The following GPR161 variants were observed in gnomAD, a reference collection of about 807,000 sequenced individuals.
GPR161 encodes G protein-coupled receptor 161, also known as G-protein coupled receptor RE2.
In GPR161, 25 loss-of-function variants were observed where a neutral mutation model predicts 39.2. The observed-to-expected ratio is 0.64, with a 90% CI of 0.47 to 0.89. GPR161 has a LOEUF of 0.89. Among genes scored for constraint, GPR161 ranks in the 40% least tolerant of loss-of-function variants. GPR161 has a pLI of 0.00. For synonymous variants in GPR161, 286 were observed against 276.6 expected (o/e 1.03, Z -0.34); for missense variants, 547 against 677.8 (o/e 0.81, Z 2.14).
rs149895096 is a variant in GPR161 at position 168,090,571 on chromosome 1, C to T, written c.1197G>A (p.Gln399=). The part of the protein sequence containing the change: ...STGDTGFSCS[Q]DSGTDMMLLE... ...ATAAAGCACGCAGGTTACCTGAGTC[C>T]TGGGAGCAGCTGAAGCCAGTGTCCC... Residue 399 remains glutamine, a synonymous_variant, in exon 4 of 6, where the codon CAG becomes CAA. Coordinates refer to ENST00000682931, the MANE Select transcript of GPR161 (RefSeq NM_001375883.1). The T allele has an allele frequency of 8.8e-6, 14 of 1,594,070 alleles. No individual in the cohort carries two copies. Among genetic ancestry groups the T allele is most frequent in the African/African-American group, 2.7e-5 (2 of 74,456 alleles).
At chr1:168,128,244 C>T (rs1180114024) in intron 1 of GPR161, among the ~76,000 whole-genome samples, 1 of 152,086 alleles carries the variant, frequency 6.6e-6, no homozygotes, top group East Asian at 1.9e-4. Context: ...AATATCCAAG[C>T]AGTAGACACT....
At chr1:168,103,641 C>A (rs1428371353) in intron 2 of GPR161, among the ~76,000 whole-genome samples, 2 of 152,146 alleles carry the variant, frequency 1.3e-5, no homozygotes, top group South Asian at 2.1e-4. Context: ...TGACAATATC[C>A]CTGGCTAGCC....
At chr1:168,123,581 T>TACACACACACACACAC (rs1558135120) in intron 1 of GPR161, among the ~76,000 whole-genome samples, 2 of 119,936 alleles carry the variant, frequency 1.7e-5, no homozygotes, top group African/African-American at 6.7e-5. Flanking sequence ...CACACACACT[T>TACACACACACACACAC]GTTTGCATGG....
intron 4 of GPR161, chr1:168,089,169 A>C (rs939371839): frequency 1.3e-5 from 2 of 152,112 alleles, no homozygotes; most frequent in Middle Eastern, 3.4e-3. Context: ...GGTCCGGCCA[A>C]GGCAGGAACG....
At chr1:168,132,033 G>A (rs546808311) in intron 1 of GPR161, among the ~76,000 whole-genome samples, 45 of 152,342 alleles carry the variant, frequency 3.0e-4, no homozygotes, top group Non-Finnish European at 5.6e-4. Flanking sequence ...GGGAGGCCGA[G>A]GTGGGCAAAT....
rs1245319028 is a variant in GPR161 at position 168,098,389 on chromosome 1, A to G, written c.375-1157T>C. Among the ~76,000 whole-genome samples, 6 of 152,216 alleles carry G rather than the reference A, an allele frequency of 3.9e-5. No homozygotes were observed. Among genetic ancestry groups the G allele is most frequent in the Admixed American group, 3.3e-4 (5 of 15,288 alleles). ...GGGAGGACTCAGACCACAGGGCTGA[A>G]AGTCAACCACCACCCTCCCAACCCC... On this transcript the variant is annotated intron_variant, in intron 2 of 5. Coordinates refer to ENST00000682931, the MANE Select transcript of GPR161 (RefSeq NM_001375883.1). This position sits in a 1 kb window ranked among gnomAD's most constrained non-coding sequence, Gnocchi z 4.1.
intron 1 of GPR161, among the ~76,000 whole-genome samples, chr1:168,132,075 G>A (rs972951090): frequency 6.6e-6 from 1 of 152,072 alleles, no homozygotes; most frequent in African/African-American, 2.4e-5. Context: ...GACCAGCCTC[G>A]CCAATATGGT....
At chr1:168,117,327 C>T (rs1227859079) in intron 1 of GPR161, among the ~76,000 whole-genome samples, 1 of 152,168 alleles carries the variant, frequency 6.6e-6, no homozygotes, top group East Asian at 1.9e-4. Context: ...CTATTACACA[C>T]ATAATCTCAT....
chr1:168,104,002 C>T (rs1178403960), intron 2 of GPR161, among the ~76,000 whole-genome samples: 1 of 152,216 alleles, frequency 6.6e-6, no homozygotes, highest in Non-Finnish European at 1.5e-5. Flanking sequence ...GTGTCACTGC[C>T]TGTATTCTCT....
At chr1:168,132,068 C>T (rs1699031321) in intron 1 of GPR161, among the ~76,000 whole-genome samples, 1 of 152,042 alleles carries the variant, frequency 6.6e-6, no homozygotes, top group Admixed American at 6.5e-5. Flanking sequence ...AGTTTGAGAC[C>T]AGCCTCGCCA....
intron 1 of GPR161, among the ~76,000 whole-genome samples, chr1:168,124,720 A>G (rs1012424900): frequency 2.6e-5 from 4 of 152,172 alleles, no homozygotes; most frequent in African/African-American, 9.7e-5. Flanking sequence ...TTGAAATGTG[A>G]TCTCCAGTGT....
rs536279189 is a variant in GPR161, at chr1:168,119,723, C to T, written c.-44-14829G>A. Among the ~76,000 whole-genome samples the T allele has an allele frequency of 1.5e-3, 228 of 152,178 alleles. 2 individuals are homozygous for T. The highest frequency in any genetic ancestry group is 3.4e-3 in the Middle Eastern group (1 of 294). On this transcript the variant is annotated intron_variant, in intron 1 of 5. Transcript: ENST00000682931. The stretch of plus-strand genomic sequence containing the variant: ...ATCCCCACATGTCAAGGGAGGGATG[C>T]GCTGGGAGGTGATCAGATCATGGGG...
chr1:168,100,128 G>A (rs767017681), intron 2 of GPR161, among the ~76,000 whole-genome samples: 2 of 150,554 alleles, frequency 1.3e-5, no homozygotes, highest in Admixed American at 1.3e-4. Flanking sequence ...GGATCACTTG[G>A]GCCCAGGAGG....
intron 1 of GPR161, among the ~76,000 whole-genome samples, chr1:168,133,266 CTT>C (rs903317676): frequency 6.6e-6 from 1 of 151,988 alleles, no homozygotes; most frequent in African/African-American, 2.4e-5. Flanking sequence ...AATTCAGTCT[CTT>C]TTTCTACACA....
intron 2 of GPR161, among the ~76,000 whole-genome samples, chr1:168,103,424 A>G (rs1696292804): frequency 8.3e-6 from 1 of 119,930 alleles, no homozygotes; most frequent in South Asian, 2.4e-4. Context: ...TCTACTACTC[A>G]GGGAAAAAAA....
At chr1:168,136,344 G>A (rs1220829249) in intron 1 of GPR161, 17 of 1,467,736 alleles carry the variant, frequency 1.2e-5, no homozygotes, top group Middle Eastern at 1.7e-4. Context: ...CTTGGCCCCA[G>A]GGGGCGCGGC....
intron 1 of GPR161, among the ~76,000 whole-genome samples, chr1:168,132,394 T>C (rs1475964283): frequency 3.3e-5 from 5 of 151,862 alleles, no homozygotes; most frequent in Non-Finnish European, 7.4e-5. Context: ...GAGACCATCC[T>C]GGCTAACACG....
intron 1 of GPR161, among the ~76,000 whole-genome samples, chr1:168,127,866 C>T (rs766224617): frequency 9.9e-5 from 15 of 152,046 alleles, no homozygotes; most frequent in African/African-American, 2.7e-4. Context: ...CTTGTTGATG[C>T]GGAAGAGATG....
chr1:168,106,179 G>A (rs943944225), intron 1 of GPR161, among the ~76,000 whole-genome samples: 3 of 152,096 alleles, frequency 2.0e-5, no homozygotes, highest in Non-Finnish European at 4.4e-5. Context: ...CTTGATTTGC[G>A]GTCCCCAAAA....
Sources: allele counts gnomAD v4.1 joint callset (sites outside exome capture counted in the v4.1 genomes callset), GRCh38; gene constraint gnomAD v4.1.1; non-coding constraint Gnocchi (gnomAD v3.1); transcripts MANE v1.5; gene names NCBI Gene and HGNC (gene_info 2026-07-23, HGNC 2026-07-21).